Variants in ADAMTS18 observed in about 807,000 individuals in gnomAD.
ADAMTS18 encodes the protein A disintegrin and metalloproteinase with thrombospondin motifs 18.
ADAMTS18 carries 157 observed loss-of-function variants against 165.9 expected under a neutral mutation model. That is an observed-to-expected ratio of 0.95 (90% CI 0.83 to 1.08). The LOEUF (loss-of-function observed/expected upper bound fraction) is 1.08. ADAMTS18 is among the 50% of genes least tolerant of loss of function. The pLI, the probability that ADAMTS18 is intolerant of heterozygous loss-of-function variation, is 0.00. For synonymous variants in ADAMTS18, 782 were observed against 578.2 expected (o/e 1.35, Z -5.06); for missense variants, 2,040 against 1,534.0 (o/e 1.33, Z -5.51).
At chr16:77,301,761 C>A (rs1418765847) in intron 16 of ADAMTS18, among the ~76,000 whole-genome samples, 1 of 152,062 alleles carries the variant, frequency 6.6e-6, no homozygotes, top group Non-Finnish European at 1.5e-5. Flanking sequence ...TTATGACTAA[C>A]TCTTAAGATT....
At chr16:77,362,456 T>C (rs565300346) in intron 6 of ADAMTS18, among the ~76,000 whole-genome samples, 192 bp from the exon 7 acceptor site, 55 of 152,318 alleles carry the variant, frequency 3.6e-4, no homozygotes, top group African/African-American at 1.3e-3. Flanking sequence ...AACTACAAAG[T>C]TTCTGTAGTG....
In ADAMTS18 at chr16:77,325,866, C is replaced by T; in HGVS notation, c.2032G>A (p.Glu678Lys). The change falls in exon 13 of 23, where the codon GAG (glutamate) becomes AAG (lysine). Residue 678 changes from glutamate to lysine, a missense_variant and splice_region_variant. Glu to Lys is a moderately conservative substitution (Grantham distance 56). Coordinates refer to ENST00000282849, the MANE Select transcript of ADAMTS18 (RefSeq NM_199355.4). ...TTGAATGTCATAGAGACCAAATTAC[C>T]TTCCACTTTTGTATAGGGTTTCCAC... Reference protein sequence around the residue: ...YQWKPYTKVEEEDRCKLYCKA... With the variant: ...YQWKPYTKVEKEDRCKLYCKA... 1 of 1,613,002 alleles carries T rather than the reference C, an allele frequency of 6.2e-7. No individual in the cohort carries two copies.
intron 3 of ADAMTS18, among the ~76,000 whole-genome samples, chr16:77,371,604 C>T (rs1011707054): frequency 6.6e-6 from 1 of 152,122 alleles, no homozygotes; most frequent in African/African-American, 2.4e-5. Context: ...TGACTCTTAC[C>T]TCTCACCATA....
rs1340924785 is a variant in ADAMTS18, at chr16:77,334,783, ACAGTAAATATAC to A, written c.1859+961_1859+972del. On this transcript the variant is annotated intron_variant, in intron 12 of 22. Transcript: ENST00000282849. The stretch of plus-strand genomic sequence containing the variant: ...GTATACAGTATATATACTATAGTAT[ACAGTAAATATAC>A]TATATACTATAGTATACAGTATATA... 1.5e-4 allele frequency among the ~76,000 whole-genome samples: 16 copies of A among 103,236 alleles called. No homozygotes were observed. The East Asian group carries it at 3.4e-3, about 22-fold the overall frequency. The allele number at this position is 103,236 out of a possible 152,430, so 67.7% of individuals were successfully genotyped here. A position where few individuals can be genotyped will look rare whatever the true frequency, so the allele number is the denominator to read the frequency against.
chr16:77,303,657 G>A (rs1032447202), intron 16 of ADAMTS18, among the ~76,000 whole-genome samples: 2 of 152,028 alleles, frequency 1.3e-5, no homozygotes, highest in African/African-American at 2.4e-5. Context: ...CTTTCGGGAG[G>A]GGGAGAAGTG....
chr16:77,399,109 G>C (rs1408607492), intron 3 of ADAMTS18, among the ~76,000 whole-genome samples: 1 of 152,186 alleles, frequency 6.6e-6, no homozygotes, highest in Non-Finnish European at 1.5e-5. Context: ...ATGTGATTCA[G>C]CTAGAAGCTA....
intron 3 of ADAMTS18, among the ~76,000 whole-genome samples, chr16:77,391,135 A>T (rs2057180687): frequency 6.6e-6 from 1 of 152,228 alleles, no homozygotes; most frequent in South Asian, 2.1e-4. Flanking sequence ...GCATAAGTTA[A>T]ACGCACAAAT....
At chr16:77,320,238 A>G (rs2144638029) in intron 15 of ADAMTS18, 145 bp from the exon 16 acceptor site, 1 of 1,029,102 alleles carries the variant, frequency 9.7e-7, no homozygotes, top group Non-Finnish European at 1.4e-6. Context: ...TATGAAGTAA[A>G]CATGATCAAT....
chr16:77,389,612 A>G (rs2057158243), intron 3 of ADAMTS18, among the ~76,000 whole-genome samples: 1 of 152,212 alleles, frequency 6.6e-6, no homozygotes, highest in African/African-American at 2.4e-5. Context: ...CGACATCACA[A>G]GACAGCCGTT....
intron 3 of ADAMTS18, among the ~76,000 whole-genome samples, chr16:77,403,616 T>A (rs1477919544): frequency 6.6e-6 from 1 of 152,212 alleles, no homozygotes; most frequent in African/African-American, 2.4e-5. Flanking sequence ...TGTTGATGGC[T>A]TAGTCAGGTC....
At chr16:77,365,881 C>A (rs533753088) in intron 4 of ADAMTS18, among the ~76,000 whole-genome samples, 55 of 152,326 alleles carry the variant, frequency 3.6e-4, no homozygotes, top group Non-Finnish European at 6.8e-4. Context: ...CGTTGAGCCT[C>A]AGTTTCCTTA....
At chr16:77,295,547 C>T (rs2055453292) in intron 18 of ADAMTS18, among the ~76,000 whole-genome samples, 1 of 152,136 alleles carries the variant, frequency 6.6e-6, no homozygotes, top group South Asian at 2.1e-4. Flanking sequence ...AAAGACAGTA[C>T]TTTCTGATAA....
At chr16:77,355,275 A>T (rs1456209159) in intron 9 of ADAMTS18, among the ~76,000 whole-genome samples, 2 of 151,654 alleles carry the variant, frequency 1.3e-5, no homozygotes, top group Non-Finnish European at 2.9e-5. Context: ...ATTAAATAGT[A>T]CAACTTTCCA....
intron 19 of ADAMTS18, among the ~76,000 whole-genome samples, chr16:77,294,250 T>C (rs2055423087): frequency 6.6e-6 from 1 of 152,050 alleles, no homozygotes; most frequent in South Asian, 2.1e-4. Context: ...ACCACTGACA[T>C]TTTGGATCAG....
intron 3 of ADAMTS18, among the ~76,000 whole-genome samples, chr16:77,426,014 C>A: frequency 6.6e-6 from 1 of 151,978 alleles, no homozygotes; most frequent in Non-Finnish European, 1.5e-5. Context: ...GCACTCCAGC[C>A]TGGGCAACAC....
At chr16:77,428,639 A>G (rs915026737) in intron 3 of ADAMTS18, among the ~76,000 whole-genome samples, 1 of 152,174 alleles carries the variant, frequency 6.6e-6, no homozygotes, top group Non-Finnish European at 1.5e-5. Context: ...AGCTGAACAT[A>G]TACAAGTTGA....
At chr16:77,360,304 CTGTG>C (rs2056693927) in intron 7 of ADAMTS18, among the ~76,000 whole-genome samples, 1 of 152,164 alleles carries the variant, frequency 6.6e-6, no homozygotes, top group African/African-American at 2.4e-5. Context: ...TATTATATAT[CTGTG>C]TGTGTATGTA....
At chr16:77,359,660 T>C (rs1431767250) in intron 7 of ADAMTS18, among the ~76,000 whole-genome samples, 1 of 152,196 alleles carries the variant, frequency 6.6e-6, no homozygotes, top group African/African-American at 2.4e-5. Flanking sequence ...AATTGATCCT[T>C]GTAAGAGCCC....
At chr16:77,397,888 C>T (rs2057278739) in intron 3 of ADAMTS18, among the ~76,000 whole-genome samples, 1 of 152,208 alleles carries the variant, frequency 6.6e-6, no homozygotes, top group African/African-American at 2.4e-5. Context: ...CTGTCTGCCA[C>T]AGGGTCCTCT....
Sources: allele counts gnomAD v4.1 joint callset (sites outside exome capture counted in the v4.1 genomes callset), GRCh38; gene constraint gnomAD v4.1.1; transcripts MANE v1.5; gene names NCBI Gene and HGNC (gene_info 2026-07-23, HGNC 2026-07-21).